Variants in ARHGAP15 observed in about 807,000 individuals in gnomAD.
ARHGAP15 encodes rho GTPase-activating protein 15.
A neutral mutation model predicts 63.7 loss-of-function variants in ARHGAP15; 51 were observed. The observed-to-expected ratio is 0.80, with a 90% CI of 0.64 to 1.01. The LOEUF (loss-of-function observed/expected upper bound fraction) is 1.01, where lower values mean the gene tolerates loss of function less well. Among genes scored for constraint, ARHGAP15 ranks in the 50% least tolerant of loss-of-function variants. The pLI, the probability that ARHGAP15 is intolerant of heterozygous loss-of-function variation, is 0.00. For synonymous variants in ARHGAP15, 191 were observed against 193.8 expected (o/e 0.99, Z 0.12); for missense variants, 560 against 564.6 (o/e 0.99, Z 0.08).
chr2:143,179,310 G>C (rs1425557784), intron 2 of ARHGAP15, among the ~76,000 whole-genome samples: 1 of 152,162 alleles, frequency 6.6e-6, no homozygotes, highest in Non-Finnish European at 1.5e-5. Context: ...CTATATCATA[G>C]AAGTCATCTT....
At chr2:143,578,275 A>T (rs1215838947) in intron 11 of ARHGAP15, among the ~76,000 whole-genome samples, 1 of 110,230 alleles carries the variant, frequency 9.1e-6, no homozygotes. Context: ...GGCAACCAAC[A>T]TTGAAAAGAA....
chr2:143,467,006 A>T (rs1303068369), intron 8 of ARHGAP15, among the ~76,000 whole-genome samples: 1 of 152,124 alleles, frequency 6.6e-6, no homozygotes, highest in Non-Finnish European at 1.5e-5. Context: ...AGGAAAAAAT[A>T]AAGGAAAAAC....
chr2:143,216,503 C>A, intron 4 of ARHGAP15, 58 bp downstream of exon 4: 1 of 1,279,312 alleles, frequency 7.8e-7, no homozygotes, highest in South Asian at 1.3e-5. Context: ...ATATGCTAAA[C>A]TTGTGCCACT....
chr2:143,367,476 T>C (rs187844161), intron 6 of ARHGAP15, among the ~76,000 whole-genome samples: 3 of 152,084 alleles, frequency 2.0e-5, no homozygotes, highest in Non-Finnish European at 4.4e-5. Flanking sequence ...CTCTTCCTTA[T>C]TCCTGATTAT....
intron 13 of ARHGAP15, among the ~76,000 whole-genome samples, chr2:143,732,356 T>C (rs866441152): frequency 1.3e-5 from 2 of 152,244 alleles, no homozygotes. Flanking sequence ...CCTTATTTTT[T>C]CTTCACCTTT....
intron 6 of ARHGAP15, among the ~76,000 whole-genome samples, chr2:143,291,928 GAA>G (rs1277654205): frequency 5.3e-5 from 8 of 152,018 alleles, no homozygotes; most frequent in Admixed American, 4.6e-4. Context: ...CAGTTACATA[GAA>G]ACAGCATATT....
intron 8 of ARHGAP15, among the ~76,000 whole-genome samples, chr2:143,486,897 T>C (rs1692351603): frequency 6.6e-6 from 1 of 152,128 alleles, no homozygotes; most frequent in African/African-American, 2.4e-5. Flanking sequence ...GAAAAATAAA[T>C]CACTTCAGGT....
chr2:143,690,573 T>C (rs1011974744), intron 12 of ARHGAP15, among the ~76,000 whole-genome samples: 4 of 152,216 alleles, frequency 2.6e-5, no homozygotes, highest in African/African-American at 9.6e-5. Context: ...TGCTTAGAGT[T>C]ACAAAATGTA....
At chr2:143,644,677 A>G (rs954433867) in intron 12 of ARHGAP15, among the ~76,000 whole-genome samples, 1 of 152,146 alleles carries the variant, frequency 6.6e-6, no homozygotes, top group African/African-American at 2.4e-5. Flanking sequence ...AGAAGTTGAC[A>G]GTGATCAGAA....
At chr2:143,230,177 T>A (rs1457249352) in intron 5 of ARHGAP15, among the ~76,000 whole-genome samples, 2 of 152,162 alleles carry the variant, frequency 1.3e-5, no homozygotes, top group African/African-American at 2.4e-5. Flanking sequence ...TTGCTGAGTT[T>A]GGCTGCTGAA....
intron 13 of ARHGAP15, among the ~76,000 whole-genome samples, chr2:143,713,881 G>C (rs1257806336): frequency 6.6e-6 from 1 of 152,150 alleles, no homozygotes; most frequent in African/African-American, 2.4e-5. Flanking sequence ...GGCTTTGCAG[G>C]GTACAGCCTC....
At position 143,468,816 on chromosome 2, in the gene ARHGAP15, A is replaced by G. The variant is rs577744531; in HGVS notation, c.704-18557A>G. ...AGTCTATTCAAATCATTGTACAGTC[A>G]AGTCAGCTAAATATATGGCAATGAA... On this transcript the variant is annotated intron_variant, in intron 8 of 13. Transcript: ENST00000295095. Among the ~76,000 whole-genome samples, 3 of 152,290 alleles carry G rather than the reference A, an allele frequency of 2.0e-5. No individual in the cohort carries two copies. The South Asian group carries it at 6.2e-4, about 32-fold the overall frequency.
At chr2:143,156,049 CA>C (rs58706419) in intron 2 of ARHGAP15, among the ~76,000 whole-genome samples, 16,001 of 144,936 alleles carry the variant, frequency 0.11, 2,144 homozygotes, top group African/African-American at 0.32. Context: ...AAAAAAATCT[CA>C]AAAAAAAAAA....
At chr2:143,302,706 A>G (rs1233873242) in intron 6 of ARHGAP15, among the ~76,000 whole-genome samples, 1 of 151,980 alleles carries the variant, frequency 6.6e-6, no homozygotes, top group South Asian at 2.1e-4. Context: ...TATATTTTAT[A>G]TGCATATCTA....
chr2:143,350,860 A>G (rs1433940141), intron 6 of ARHGAP15: 1 of 150,422 alleles, frequency 6.6e-6, no homozygotes, highest in Non-Finnish European at 1.5e-5. Flanking sequence ...AAAAAAAAAA[A>G]AAGAAATTAT....
intron 6 of ARHGAP15, among the ~76,000 whole-genome samples, chr2:143,433,070 G>C (rs1046492617): frequency 1.3e-5 from 2 of 152,040 alleles, no homozygotes; most frequent in African/African-American, 4.8e-5. Flanking sequence ...GATTTAGTCA[G>C]AGCTAACATT....
chr2:143,197,384 A>C (rs1339120158), intron 2 of ARHGAP15, among the ~76,000 whole-genome samples: 1 of 152,002 alleles, frequency 6.6e-6, no homozygotes, highest in Non-Finnish European at 1.5e-5. Context: ...TAAGCTATTA[A>C]TCGATATCTA....
chr2:143,329,612 T>G lies in ARHGAP15; in HGVS notation c.474+79012T>G, dbSNP rs184564715. The stretch of plus-strand genomic sequence containing the variant: ...GCACAGACTTCTAACCCATGGAAAC[T>G]GTGAAATAAGAAATACTGTGTTTTG... On this transcript the variant is annotated intron_variant, in intron 6 of 13. Transcript: ENST00000295095. 3.8e-3 allele frequency among the ~76,000 whole-genome samples: 583 copies of G among 152,284 alleles called. 5 individuals are homozygous for G. Among genetic ancestry groups the G allele is most frequent in the African/African-American group, 0.013 (534 of 41,554 alleles).
intron 1 of ARHGAP15, among the ~76,000 whole-genome samples, chr2:143,143,830 T>A (rs1229690426): frequency 6.6e-6 from 1 of 151,952 alleles, no homozygotes; most frequent in Non-Finnish European, 1.5e-5. Flanking sequence ...ACTTGTGTCA[T>A]GGGGGTTTGT....
Sources: gnomAD v4.1 joint callset for allele counts (sites outside exome capture counted in the v4.1 genomes callset) on GRCh38, gnomAD v4.1.1 for gene constraint, MANE v1.5 for transcripts, NCBI Gene and HGNC (gene_info 2026-07-23, HGNC 2026-07-21) for gene names.